FAT3: variants seen among roughly 807,000 people sequenced by gnomAD.
FAT3 encodes the protein protocadherin Fat 3.
Under a neutral mutation model 310.2 loss-of-function variants are expected in FAT3, and 95 were observed. The ratio of observed to expected loss-of-function variants is 0.31; its 90% CI spans 0.26 to 0.36. FAT3 has a LOEUF of 0.36. FAT3 is among the 10% of genes least tolerant of loss of function. The pLI is 1.00. For missense variants in FAT3, 5,408 were observed against 5,715.6 expected, an observed-to-expected ratio of 0.95 and a Z score of 1.74; for synonymous variants, 2,314 against 2,192.9, an observed-to-expected ratio of 1.06 and a Z score of -1.54.
chr11:92,486,062 A>G (rs1952374318), intron 2 of FAT3, among the ~76,000 whole-genome samples: 3 of 149,742 alleles, frequency 2.0e-5, no homozygotes, highest in Non-Finnish European at 3.0e-5. Context: ...GAGATATGGG[A>G]AAAATATGAA....
intron 4 of FAT3, among the ~76,000 whole-genome samples, chr11:92,752,154 A>C (rs766137198): frequency 6.6e-6 from 1 of 152,270 alleles, no homozygotes; most frequent in Non-Finnish European, 1.5e-5. Context: ...ATGCCTTTGT[A>C]GCAGGAAAGC....
intron 18 of FAT3, 48 bp downstream of exon 18, chr11:92,840,807 C>A (rs764592030): frequency 4.1e-6 from 6 of 1,466,664 alleles, no homozygotes; most frequent in Non-Finnish European, 5.5e-6. Flanking sequence ...CTTTCTCATG[C>A]TTGTTTCTGT....
At chr11:92,296,319 A>G (rs1367819944) in intron 1 of FAT3, among the ~76,000 whole-genome samples, 2 of 152,154 alleles carry the variant, frequency 1.3e-5, no homozygotes, top group East Asian at 1.9e-4. Flanking sequence ...AAGTAACATA[A>G]CAGTATCATG....
intron 4 of FAT3, among the ~76,000 whole-genome samples, chr11:92,729,920 C>T (rs1945126902): frequency 6.6e-6 from 1 of 152,108 alleles, no homozygotes; most frequent in South Asian, 2.1e-4. Context: ...ATTCTATGCT[C>T]AGAATCTATG....
Position 92,773,923 on chromosome 11 carries a change from C to G in FAT3, c.4196-118C>G, listed in dbSNP as rs1252994815. On this transcript the variant is annotated intron_variant, in intron 6 of 27. Transcript: ENST00000525166. The stretch of plus-strand genomic sequence containing the variant: ...CCCATTTAAGATGTACAAAATTGAG[C>G]CATAGGGATGCCTGTCAAAAAAAAT... 9.1e-6 allele frequency: 9 copies of G among 989,868 alleles called. No individual in the cohort carries two copies. The Admixed American group carries it at 2.1e-4, about 23-fold the overall frequency. 61.3% of individuals were successfully genotyped at this position (989,868 alleles called of 1,614,324 possible).
intron 2 of FAT3, among the ~76,000 whole-genome samples, chr11:92,523,636 A>C (rs978342241): frequency 6.6e-6 from 1 of 152,152 alleles, no homozygotes; most frequent in Non-Finnish European, 1.5e-5. Flanking sequence ...GACTCTTTTC[A>C]CAATGTCTTT....
Position 92,321,788 on chromosome 11 carries a change from A to G in FAT3, c.-17-30308A>G, listed in dbSNP as rs1001917594. On this transcript the variant is annotated intron_variant, in intron 1 of 27. Coordinates refer to ENST00000525166, the MANE Select transcript of FAT3 (RefSeq NM_001367949.2). ...AATGGTAACCCCAGACACAGCTATT[A>G]GTGTCAGATTAAATCTAAATGCAAC... 9.9e-5 allele frequency among the ~76,000 whole-genome samples: 15 copies of G among 152,282 alleles called. No individual in the cohort carries two copies. The South Asian group carries it at 1.2e-3, about 13-fold the overall frequency.
chr11:92,831,317 AC>A (rs777557309), intron 13 of FAT3, among the ~76,000 whole-genome samples: 42 of 152,044 alleles, frequency 2.8e-4, no homozygotes, highest in Non-Finnish European at 5.9e-4. Context: ...CCACATCTTT[AC>A]CCCTGCATCT....
At chr11:92,334,716 G>GA (rs1337837852) in intron 1 of FAT3, among the ~76,000 whole-genome samples, 1 of 152,164 alleles carries the variant, frequency 6.6e-6, no homozygotes, top group Non-Finnish European at 1.5e-5. Flanking sequence ...TTCCCTGGTA[G>GA]AATGTGGAAA....
intron 4 of FAT3, among the ~76,000 whole-genome samples, chr11:92,708,227 G>A (rs534608715): frequency 1.1e-4 from 17 of 152,290 alleles, no homozygotes; most frequent in African/African-American, 3.9e-4. Flanking sequence ...AATAAGTTTG[G>A]TTGTTTAATT....
intron 3 of FAT3, among the ~76,000 whole-genome samples, chr11:92,580,859 C>A (rs1316069030): frequency 6.6e-6 from 1 of 151,480 alleles, no homozygotes; most frequent in African/African-American, 2.4e-5. Flanking sequence ...GCAGTTTCAC[C>A]TTTTCCTGCC....
intron 1 of FAT3, among the ~76,000 whole-genome samples, chr11:92,277,578 C>T (rs1023679213): frequency 4.6e-5 from 7 of 152,104 alleles, no homozygotes; most frequent in African/African-American, 7.2e-5. Context: ...AGCTGGAGGC[C>T]GTTGTCCTAA....
chr11:92,423,338 A>G (rs1950568896), intron 2 of FAT3, among the ~76,000 whole-genome samples: 1 of 152,210 alleles, frequency 6.6e-6, no homozygotes, highest in African/African-American at 2.4e-5. Flanking sequence ...TTGCATTGCC[A>G]TCATAAAGGT....
chr11:92,852,490 C>T (rs1384196168), intron 19 of FAT3, among the ~76,000 whole-genome samples: 2 of 152,092 alleles, frequency 1.3e-5, no homozygotes, highest in African/African-American at 4.8e-5. Context: ...TGAGCATTTC[C>T]AGGCTGGAAC....
In FAT3 at chr11:92,857,254, G is replaced by A; in HGVS notation, c.11406G>A (p.Lys3802=). The A allele has an allele frequency of 1.2e-6, 2 of 1,614,018 alleles. No homozygotes were observed. The highest frequency in any genetic ancestry group is 2.2e-5 in the South Asian group (2 of 91,082). Residue 3802 remains lysine, a synonymous_variant, in exon 20 of 28, where the codon AAG becomes AAA. Transcript: ENST00000525166. ...CPGSNDPCVE[K]PCPGDMQCVS... ...GGTCCAACGATCCTTGTGTGGAGAA[G>A]CCGTGTCCAGGGGACATGCAGTGTG...
chr11:92,449,454 G>C (rs971190686), intron 2 of FAT3, among the ~76,000 whole-genome samples: 1 of 149,260 alleles, frequency 6.7e-6, no homozygotes, highest in South Asian at 2.2e-4. Context: ...GAAGTGTAGA[G>C]CTGAGTGCAG....
intron 3 of FAT3, among the ~76,000 whole-genome samples, chr11:92,631,028 A>G (rs534554779): frequency 6.6e-6 from 1 of 152,308 alleles, no homozygotes; most frequent in East Asian, 1.9e-4. Flanking sequence ...GCCAGCAACC[A>G]TATTGGTATT....
At chr11:92,514,789 C>A in intron 2 of FAT3, among the ~76,000 whole-genome samples, 1 of 152,140 alleles carries the variant, frequency 6.6e-6, no homozygotes. Flanking sequence ...AAAGAGCTGT[C>A]ACAGAAGAAA....
intron 7 of FAT3, among the ~76,000 whole-genome samples, chr11:92,774,638 A>AT (rs1187400193): frequency 3.9e-5 from 6 of 152,202 alleles, no homozygotes; most frequent in African/African-American, 1.4e-4. Context: ...AAGGTCACAC[A>AT]GCCTTAGTAA....
Sources: allele counts gnomAD v4.1 joint callset (sites outside exome capture counted in the v4.1 genomes callset), GRCh38; gene constraint gnomAD v4.1.1; transcripts MANE v1.5; gene names NCBI Gene and HGNC (gene_info 2026-07-23, HGNC 2026-07-21).